Variants in POMGNT2 observed in about 807,000 individuals in gnomAD.
The protein encoded by POMGNT2 is protein O-linked-mannose beta-1,4-N-acetylglucosaminyltransferase 2.
POMGNT2 carries 32 observed loss-of-function variants against 37.8 expected under a neutral mutation model. The ratio of observed to expected loss-of-function variants is 0.85; its 90% CI spans 0.64 to 1.14. The LOEUF is 1.14. Among genes scored for constraint, POMGNT2 ranks in the 50% most tolerant of loss-of-function variants. The pLI, the probability that POMGNT2 is intolerant of heterozygous loss-of-function variation, is 0.00. For missense variants in POMGNT2, 705 were observed against 780.6 expected (o/e 0.90, Z 1.15); for synonymous variants, 340 against 336.8 (o/e 1.01, Z -0.10).
In POMGNT2 at chr3:43,081,332, C is replaced by T; in HGVS notation, c.100G>A (p.Glu34Lys). 6.2e-7 allele frequency: 1 copy of T among 1,611,328 alleles called. No homozygotes were observed. Among genetic ancestry groups the T allele is most frequent in the Non-Finnish European group, 8.5e-7 (1 of 1,179,986 alleles). ...RLREHAATLE[E>K]ELALSRQATE... ...GCCTGTCGGCTGAGGGCCAGCTCCT[C>T]CTCCAGTGTGGCTGCATGCTCACGC... Residue 34 changes from glutamate (E) to lysine (K), a missense_variant, in exon 2 of 2, where the codon GAG becomes AAG. Physicochemically the swap from Glu to Lys is moderately conservative, Grantham distance 56. Coordinates refer to ENST00000344697, the MANE Select transcript of POMGNT2 (RefSeq NM_032806.6).
rs2089826828 is a variant in POMGNT2, at chr3:43,079,605, A to G, written c.*84T>C. On this transcript the variant is annotated 3_prime_UTR_variant, in exon 2 of 2. Transcript: ENST00000344697. ...CAGGCCTGCTCAATAAATAGTTCCC[A>G]GAAGTCTCCACAGTGGGATTAATGG... 1.6e-6 allele frequency: 2 copies of G among 1,257,566 alleles called. No individual in the cohort carries two copies. Among genetic ancestry groups the G allele is most frequent in the Admixed American group, 4.3e-5 (2 of 46,100 alleles). 77.9% of individuals were successfully genotyped at this position (1,257,566 alleles called of 1,614,324 possible).
intron 1 of POMGNT2, among the ~76,000 whole-genome samples, chr3:43,087,134 G>A (rs1353133669): frequency 2.6e-5 from 4 of 152,166 alleles, no homozygotes; most frequent in African/African-American, 9.7e-5. Context: ...TTCTCCCCTA[G>A]AGCCTTCAGA....
At chr3:43,082,857 G>C (rs2089867408) in intron 1 of POMGNT2, among the ~76,000 whole-genome samples, 1 of 152,216 alleles carries the variant, frequency 6.6e-6, no homozygotes, top group African/African-American at 2.4e-5. Context: ...AACAGTTTGA[G>C]AAATTATCCC....
intron 1 of POMGNT2, among the ~76,000 whole-genome samples, chr3:43,104,173 C>A (rs2090039969): frequency 6.6e-6 from 1 of 152,182 alleles, no homozygotes; most frequent in Non-Finnish European, 1.5e-5. Context: ...GGATTCAAAA[C>A]CAAGACGGAC....
rs139794583 is a variant in POMGNT2 at position 43,086,487 on chromosome 3, A to G, written c.-105-4951T>C. On this transcript the variant is annotated intron_variant, in intron 1 of 1. Transcript: ENST00000344697. ...CTGTTCTGCTTTACTTCACTGCAAA[A>G]TATCTTTTGGGTTTCAACAACACCT... is the stretch of plus-strand genomic sequence containing the variant. Among the ~76,000 whole-genome samples the G allele has an allele frequency of 3.2e-4, 49 of 152,310 alleles. 1 individual carries two copies. The East Asian group carries it at 8.7e-3, about 27-fold the overall frequency.
At chr3:43,094,056 T>C (rs2089962367) in intron 1 of POMGNT2, among the ~76,000 whole-genome samples, 1 of 152,138 alleles carries the variant, frequency 6.6e-6, no homozygotes, top group Non-Finnish European at 1.5e-5. Context: ...AGCCAAAGTG[T>C]GGTAGTAGGA....
chr3:43,094,631 C>A (rs1323318787), intron 1 of POMGNT2, among the ~76,000 whole-genome samples: 1 of 152,196 alleles, frequency 6.6e-6, no homozygotes. Context: ...TCTGACTGTT[C>A]AGGGCAGTCT....
chr3:43,093,596 G>C (rs1282779984), intron 1 of POMGNT2, among the ~76,000 whole-genome samples: 3 of 152,144 alleles, frequency 2.0e-5, no homozygotes, highest in Admixed American at 6.5e-5. Context: ...CTGGAGTTCT[G>C]ATTGCCTGGG....
At position 43,083,150 on chromosome 3, in the gene POMGNT2, GGAAAT is replaced by G. The variant is rs2089869381; in HGVS notation, c.-105-1619_-105-1615del. Reference sequence around the variant, plus strand: ...ATATACTCCCCACCTCCAAACTTCAGGAAATGAAAATTACCGTGACCAAGTATCAT... The same window carrying G: ...ATATACTCCCCACCTCCAAACTTCAGGAAAATTACCGTGACCAAGTATCAT... On this transcript the variant is annotated intron_variant, in intron 1 of 1. Coordinates refer to ENST00000344697, the MANE Select transcript of POMGNT2 (RefSeq NM_032806.6). Among the ~76,000 whole-genome samples the G allele has an allele frequency of 2.0e-5, 3 of 152,112 alleles. No homozygotes were observed. The South Asian group carries it at 6.2e-4, about 32-fold the overall frequency.
chr3:43,087,008 C>T (rs577390391), intron 1 of POMGNT2, among the ~76,000 whole-genome samples: 46 of 152,170 alleles, frequency 3.0e-4, no homozygotes, highest in African/African-American at 9.9e-4. Context: ...AAAGGACACA[C>T]GGAGAAACAG....
At chr3:43,101,839 A>G (rs909301304) in intron 1 of POMGNT2, among the ~76,000 whole-genome samples, 1 of 152,176 alleles carries the variant, frequency 6.6e-6, no homozygotes, top group Non-Finnish European at 1.5e-5. Context: ...GAAGTCCGCC[A>G]GACTCTAAGC....
chr3:43,095,290 T>G (rs1050650514), intron 1 of POMGNT2, among the ~76,000 whole-genome samples: 1 of 152,216 alleles, frequency 6.6e-6, no homozygotes, highest in African/African-American at 2.4e-5. Flanking sequence ...AGTGCCTTCC[T>G]GAAAACAGAG....
In POMGNT2 at chr3:43,080,591, C is replaced by G; in HGVS notation, c.841G>C (p.Gly281Arg). The G allele has an allele frequency of 6.2e-7, 1 of 1,614,220 alleles. No individual in the cohort carries two copies. The highest frequency in any genetic ancestry group is 1.3e-5 in the African/African-American group (1 of 75,060). The change falls in exon 2 of 2, where the codon GGA (glycine) becomes CGA (arginine). Residue 281 changes from glycine to arginine, a missense_variant. Transcript: ENST00000344697. ...ATGTACTCCTCGCCTAGGGGGACTCCTGTGTGGCTCACGTTCAGCTTTTCT... is the reference window on the plus strand; with the variant it reads ...ATGTACTCCTCGCCTAGGGGGACTCGTGTGTGGCTCACGTTCAGCTTTTCT... ...MTEKLNVSHT[G>R]VPLGEEYILV...
rs59831271 is a variant in POMGNT2 at position 43,081,393 on chromosome 3, C to T, written c.39G>A (p.Ser13=). 2.4e-5 allele frequency: 38 copies of T among 1,599,824 alleles called. No individual in the cohort carries two copies. Among genetic ancestry groups the T allele is most frequent in the South Asian group, 1.5e-4 (13 of 89,002 alleles). The stretch of plus-strand genomic sequence containing the variant: ...GCTTCCACAGGACCGCTGCCAGCAC[C>T]GACACCAGGAGGGCGTTGAACACCG... The part of the protein sequence containing the change: ...LSAVFNALLV[S]VLAAVLWKHV... Residue 13 remains serine, a synonymous_variant, in exon 2 of 2, where the codon TCG becomes TCA. Transcript: ENST00000344697.
At chr3:43,093,922 TA>T (rs919183512) in intron 1 of POMGNT2, among the ~76,000 whole-genome samples, 104 of 151,468 alleles carry the variant, frequency 6.9e-4, no homozygotes, top group African/African-American at 2.3e-3. Flanking sequence ...CTGGGAGACT[TA>T]AAAAAAAATA....
chr3:43,103,887 G>A (rs917164503), intron 1 of POMGNT2, among the ~76,000 whole-genome samples: 1 of 152,134 alleles, frequency 6.6e-6, no homozygotes, highest in African/African-American at 2.4e-5. Flanking sequence ...CTACTTCACA[G>A]GGTAGTTTTG....
chr3:43,104,708 T>C (rs1396669612), intron 1 of POMGNT2, among the ~76,000 whole-genome samples: 1 of 152,188 alleles, frequency 6.6e-6, no homozygotes, highest in Non-Finnish European at 1.5e-5. Flanking sequence ...AAGATGAACC[T>C]GGACTCCAAG....
At chr3:43,103,473 G>A (rs2090034418) in intron 1 of POMGNT2, among the ~76,000 whole-genome samples, 1 of 152,152 alleles carries the variant, frequency 6.6e-6, no homozygotes, top group South Asian at 2.1e-4. Flanking sequence ...GTCCAGTGAT[G>A]AGACCCTAAA....
chr3:43,085,582 C>T (rs1428367527), intron 1 of POMGNT2, among the ~76,000 whole-genome samples: 1 of 152,098 alleles, frequency 6.6e-6, no homozygotes, highest in Non-Finnish European at 1.5e-5. Context: ...GTGAGGCCTC[C>T]CCAGCCATGT....
Sources: gnomAD v4.1 joint callset for allele counts (sites outside exome capture counted in the v4.1 genomes callset) on GRCh38, gnomAD v4.1.1 for gene constraint, MANE v1.5 for transcripts, NCBI Gene and HGNC (gene_info 2026-07-23, HGNC 2026-07-21) for gene names.